PCDHA3: variants seen among roughly 807,000 people sequenced by gnomAD.
PCDHA3 encodes the protein protocadherin alpha 3, also known as protocadherin alpha-3.
In PCDHA3, 41 loss-of-function variants were observed where a neutral mutation model predicts 62.2. The ratio of observed to expected loss-of-function variants is 0.66; its 90% CI spans 0.51 to 0.86. PCDHA3 has a LOEUF of 0.86. Among genes scored for constraint, PCDHA3 ranks in the 40% least tolerant of loss-of-function variants. PCDHA3 has a pLI of 0.00. For missense variants in PCDHA3, 1,304 were observed against 1,241.2 expected (o/e 1.05, Z -0.76); for synonymous variants, 640 against 555.4 (o/e 1.15, Z -2.14).
rs1262836505 is a variant in PCDHA3 at position 141,012,081 on chromosome 5, T to C, written c.*2144T>C. The C allele has an allele frequency of 6.5e-6, 1 of 153,748 alleles. No individual in the cohort carries two copies. Among genetic ancestry groups the C allele is most frequent in the Non-Finnish European group, 1.5e-5 (1 of 68,042 alleles). 9.5% of individuals were successfully genotyped at this position (153,748 alleles called of 1,614,324 possible). On this transcript the variant is annotated 3_prime_UTR_variant, in exon 4 of 4. Transcript: ENST00000522353. Reference sequence around the variant, plus strand: ...CAACACATGTGAACCATTGCTACATTGTAGGTTGTGATCATTTTGCCCCAC... The same window carrying C: ...CAACACATGTGAACCATTGCTACATCGTAGGTTGTGATCATTTTGCCCCAC...
rs782510264 is a variant in PCDHA3, at chr5:140,863,385, G to A, written c.2394+59794G>A. 4 of 1,030,862 alleles carry A rather than the reference G, an allele frequency of 3.9e-6. No homozygotes were observed. In the South Asian group the frequency reaches 4.9e-5, roughly 13 times the overall value. The allele number at this position is 1,030,862 out of a possible 1,614,324, so 63.9% of individuals were successfully genotyped here. ...GCTTGGCGCAGCTCACCGAGAGCTC[G>A]TGCATGCCGGGCAAGCCCACGCTGG... On this transcript the variant is annotated intron_variant, in intron 1 of 3. Transcript: ENST00000522353.
chr5:140,824,952 A>T (rs1480130328), intron 1 of PCDHA3: 2 of 152,172 alleles, frequency 1.3e-5, no homozygotes, highest in Non-Finnish European at 2.9e-5. Flanking sequence ...TTTAAAAATT[A>T]TATTTTTCAT....
In PCDHA3 at chr5:140,856,944, G is replaced by C. The variant is rs1424566635; in HGVS notation, c.2394+53353G>C. Reference sequence around the variant, plus strand: ...AAATTTTGGATAAACGAAAGGACGGGAGAAATAAAAGTAAATGATGCTATT... The same window carrying C: ...AAATTTTGGATAAACGAAAGGACGGCAGAAATAAAAGTAAATGATGCTATT... On this transcript the variant is annotated intron_variant, in intron 1 of 3. Transcript: ENST00000522353. 8.8e-6 allele frequency: 14 copies of C among 1,593,558 alleles called. 1 individual carries two copies. The highest frequency in any genetic ancestry group is 1.3e-5 in the African/African-American group (1 of 74,212).
chr5:140,857,031 C>T (rs782539359), intron 1 of PCDHA3: 1 of 1,596,318 alleles, frequency 6.3e-7, no homozygotes, highest in Non-Finnish European at 8.6e-7. Flanking sequence ...GGAAACCCAC[C>T]TATGGTTGGT....
chr5:140,841,903 C>T lies in PCDHA3; in HGVS notation c.2394+38312C>T, dbSNP rs1318755251. ...ACGATGAGAATAAACTGGTTGAGCT[C>T]GTATTAAGAAAATCCTTGGACAGAG... On this transcript the variant is annotated intron_variant, in intron 1 of 3. Transcript: ENST00000522353. 1.4e-5 allele frequency: 22 copies of T among 1,613,682 alleles called. 1 individual carries two copies. Among genetic ancestry groups the T allele is most frequent in the Non-Finnish European group, 1.9e-5 (22 of 1,179,842 alleles).
At chr5:140,963,120 A>G (rs1210822785) in intron 1 of PCDHA3, among the ~76,000 whole-genome samples, 1 of 152,174 alleles carries the variant, frequency 6.6e-6, no homozygotes, top group African/African-American at 2.4e-5. Context: ...ATAATTAAAG[A>G]GATAATATTA....
intron 1 of PCDHA3, chr5:140,829,542 C>A: frequency 6.2e-7 from 1 of 1,612,968 alleles, no homozygotes; most frequent in South Asian, 1.1e-5. Context: ...GACGCGGACG[C>A]GCAGGAGAAC....
intron 1 of PCDHA3, among the ~76,000 whole-genome samples, chr5:140,912,746 A>G (rs1322674627): frequency 6.6e-6 from 1 of 152,200 alleles, no homozygotes; most frequent in Admixed American, 6.5e-5. Flanking sequence ...TGGGTCTGTC[A>G]TAGATGGCTT....
At chr5:140,810,535 G>A (rs1054108701) in intron 1 of PCDHA3, 1 of 152,134 alleles carries the variant, frequency 6.6e-6, no homozygotes, top group Non-Finnish European at 1.5e-5. Flanking sequence ...GGTGACTTTT[G>A]TAATCTCATT....
At chr5:140,808,220 G>A (rs868947123) in intron 1 of PCDHA3, 7 of 1,614,204 alleles carry the variant, frequency 4.3e-6, no homozygotes, top group Non-Finnish European at 5.9e-6. Context: ...AGACAACAAC[G>A]ATAATGTCCC....
chr5:140,830,551 T>C, intron 1 of PCDHA3: 1 of 1,095,476 alleles, frequency 9.1e-7, no homozygotes, highest in African/African-American at 1.6e-5. Flanking sequence ...TCCTCATATT[T>C]GTCTTCTATA....
At chr5:140,807,934 G>C in intron 1 of PCDHA3, 1 of 1,614,090 alleles carries the variant, frequency 6.2e-7, no homozygotes. Context: ...TTTATAAGGT[G>C]AGATTACTAG....
chr5:140,835,159 C>A, intron 1 of PCDHA3: 1 of 1,456,016 alleles, frequency 6.9e-7, no homozygotes, highest in Non-Finnish European at 9.3e-7. Flanking sequence ...TCTATCGGAA[C>A]GCTGGTGATT....
At position 140,858,141 on chromosome 5, in the gene PCDHA3, T is replaced by C. The variant is rs1247420166; in HGVS notation, c.2394+54550T>C. 4 of 1,597,496 alleles carry C rather than the reference T, an allele frequency of 2.5e-6. No individual in the cohort carries two copies. The African/African-American group carries it at 5.4e-5, about 21-fold the overall frequency. ...GCCCTGGTGGATGTCAACGTGTACC[T>C]GATCATCGCCATCTGCGCGGTGTCC... On this transcript the variant is annotated intron_variant, in intron 1 of 3. Transcript: ENST00000522353.
At chr5:140,821,900 C>T (rs2150111777) in intron 1 of PCDHA3, 2 of 1,614,206 alleles carry the variant, frequency 1.2e-6, no homozygotes, top group South Asian at 1.1e-5. Flanking sequence ...AAACACGGAA[C>T]CTTCGTTGGC....
chr5:140,945,605 C>G (rs564297850), intron 1 of PCDHA3, among the ~76,000 whole-genome samples: 1 of 152,166 alleles, frequency 6.6e-6, no homozygotes, highest in East Asian at 1.9e-4. Context: ...CTATAATAAT[C>G]AAAACAGCAT....
At chr5:140,929,530 G>A in intron 1 of PCDHA3, 1 of 636,248 alleles carries the variant, frequency 1.6e-6, no homozygotes, top group Non-Finnish European at 2.3e-6. Flanking sequence ...GTTTATTTTT[G>A]AGAAACAAGG....
intron 1 of PCDHA3, chr5:140,871,680 A>G: frequency 9.0e-7 from 1 of 1,108,842 alleles, no homozygotes; most frequent in Admixed American, 3.1e-5. Flanking sequence ...AATCATATGA[A>G]TAATCTGGCT....
At chr5:140,901,828 A>G (rs538492227) in intron 1 of PCDHA3, among the ~76,000 whole-genome samples, 1 of 152,318 alleles carries the variant, frequency 6.6e-6, no homozygotes, top group African/African-American at 2.4e-5. Flanking sequence ...CTTCCAGTCC[A>G]TAAACATGCA....
Sources: gnomAD v4.1 joint callset for allele counts (sites outside exome capture counted in the v4.1 genomes callset) on GRCh38, gnomAD v4.1.1 for gene constraint, MANE v1.5 for transcripts, NCBI Gene and HGNC (gene_info 2026-07-23, HGNC 2026-07-21) for gene names.